The following WNK1 variants were observed in gnomAD, a reference collection of about 807,000 sequenced individuals.
WNK1 encodes the protein serine/threonine-protein kinase WNK1.
Under a neutral mutation model 222.8 loss-of-function variants are expected in WNK1, and 38 were observed. That is an observed-to-expected ratio of 0.17 (90% CI 0.13 to 0.22). The LOEUF is 0.22. Ranked by LOEUF, WNK1 falls within the 10% of genes least tolerant of loss-of-function variation. The probability of loss-of-function intolerance (pLI) is 1.00; values close to 1 mark genes in which losing one functional copy is unlikely to be tolerated. For missense variants in WNK1, 2,348 were observed against 2,918.4 expected (o/e 0.80, Z 4.50); for synonymous variants, 1,090 against 1,092.9 (o/e 1.00, Z 0.05).
In WNK1 at chr12:868,642, CA is replaced by C. The variant is rs754560162; in HGVS notation, c.2140-2622del. ...ACTGTGTATTTGAATTTCATGTTCA[CA>C]CACCAAGCTCCTCTTCAGGAGAAGG... On this transcript the variant is annotated intron_variant, in intron 8 of 27. Coordinates refer to ENST00000315939, the MANE Select transcript of WNK1 (RefSeq NM_018979.4). 3 of 1,614,018 alleles carry C rather than the reference CA, an allele frequency of 1.9e-6. No individual in the cohort carries two copies. In the Admixed American group the frequency reaches 5.0e-5, roughly 27 times the overall value.
intron 1 of WNK1, among the ~76,000 whole-genome samples, chr12:803,762 A>G (rs1044457431): frequency 1.3e-5 from 2 of 152,194 alleles, no homozygotes; most frequent in Non-Finnish European, 2.9e-5. Flanking sequence ...TAAAAAAAGA[A>G]ATATGGCAAA....
chr12:843,968 C>T (rs77092791), intron 4 of WNK1, among the ~76,000 whole-genome samples: 2,279 of 151,952 alleles, frequency 0.015, 57 homozygotes, highest in African/African-American at 0.052. Flanking sequence ...TAGTATAATA[C>T]CAAAATGTTA....
At chr12:788,716 G>A (rs976261310) in intron 1 of WNK1, among the ~76,000 whole-genome samples, 3 of 152,100 alleles carry the variant, frequency 2.0e-5, no homozygotes, top group African/African-American at 4.8e-5. Context: ...GTGAAACCCC[G>A]TCTCTACTAA....
intron 1 of WNK1, among the ~76,000 whole-genome samples, chr12:792,308 C>CTTTTTTT (rs35838951): frequency 1.3e-4 from 12 of 89,064 alleles, no homozygotes; most frequent in East Asian, 4.1e-4. Flanking sequence ...TACTGTTATT[C>CTTTTTTT]TTTTTTTTTT....
At chr12:772,369 G>C (rs1942612837) in intron 1 of WNK1, among the ~76,000 whole-genome samples, 1 of 152,026 alleles carries the variant, frequency 6.6e-6, no homozygotes, top group Non-Finnish European at 1.5e-5. Context: ...AGATTAAAAA[G>C]CAGCAAAATA....
chr12:874,131 G>A (rs775846423), intron 9 of WNK1, among the ~76,000 whole-genome samples: 5 of 151,898 alleles, frequency 3.3e-5, no homozygotes, highest in Non-Finnish European at 7.4e-5. Context: ...ACTCCAGCCT[G>A]GGCAACAGAG....
chr12:831,262 G>A lies in WNK1; in HGVS notation c.1311+1102G>A, dbSNP rs139691559. ...TAAAAGAATTCATTTGTAGGGCCGG[G>A]CGTGGTGGCTTATGCCTGTAATCTC... On this transcript the variant is annotated intron_variant, in intron 4 of 27. Coordinates refer to ENST00000315939, the MANE Select transcript of WNK1 (RefSeq NM_018979.4). Among the ~76,000 whole-genome samples the A allele has an allele frequency of 3.3e-5, 5 of 152,234 alleles. No homozygotes were observed. The East Asian group carries it at 9.6e-4, about 29-fold the overall frequency.
chr12:885,191 A>C lies in WNK1; in HGVS notation c.4387A>C (p.Ser1463Arg). ...VSATSASAGG[S>R]TATPGPKPPA... Reference sequence around the variant, plus strand: ...AGCAACTTCAGCCTCTGCAGGGGGCAGTACTGCTACCCCAGGTCCTAAGCC... The same window carrying C: ...AGCAACTTCAGCCTCTGCAGGGGGCCGTACTGCTACCCCAGGTCCTAAGCC... The change falls in exon 19 of 28, where the codon AGT becomes CGT. Residue 1463 changes from serine (S) to arginine (R), a missense_variant. Transcript: ENST00000315939. 1 of 1,614,194 alleles carries C rather than the reference A, an allele frequency of 6.2e-7. No individual in the cohort carries two copies. The highest frequency in any genetic ancestry group is 8.5e-7 in the Non-Finnish European group (1 of 1,180,018).
chr12:816,116 T>G lies in WNK1; in HGVS notation c.932+2302T>G, dbSNP rs147513218. Among the ~76,000 whole-genome samples, 605 of 152,202 alleles carry G rather than the reference T, an allele frequency of 4.0e-3. 4 individuals are homozygous for G. The highest frequency in any genetic ancestry group is 0.031 in the South Asian group (151 of 4,822). On this transcript the variant is annotated intron_variant, in intron 2 of 27. Transcript: ENST00000315939. ...TAGCCTGTGTCAAAAAACTGAACTA[T>G]CCGTGAAAAGAGAGACCTCAGTGCT...
chr12:769,208 C>CTT (rs575352226), intron 1 of WNK1, among the ~76,000 whole-genome samples: 22 of 147,738 alleles, frequency 1.5e-4, no homozygotes, highest in Admixed American at 6.8e-5. Context: ...CTTCCGTTTC[C>CTT]TTTTTTTTTT....
intron 8 of WNK1, chr12:868,820 G>A (rs772825662): frequency 4.3e-6 from 7 of 1,613,860 alleles, no homozygotes; most frequent in South Asian, 1.1e-5. Flanking sequence ...AGAATTGACC[G>A]TTTCTGTGGT....
At chr12:802,662 A>ACC (rs1946000684) in intron 1 of WNK1, among the ~76,000 whole-genome samples, 1 of 152,196 alleles carries the variant, frequency 6.6e-6, no homozygotes, top group African/African-American at 2.4e-5. Flanking sequence ...TTCTTCTTTG[A>ACC]ATAACAAAGT....
At chr12:791,408 G>A (rs1321868344) in intron 1 of WNK1, among the ~76,000 whole-genome samples, 1 of 152,022 alleles carries the variant, frequency 6.6e-6, no homozygotes, top group African/African-American at 2.4e-5. Flanking sequence ...ATCGTAAAGT[G>A]CGGTTATAAA....
At chr12:782,469 A>C (rs115185901) in intron 1 of WNK1, among the ~76,000 whole-genome samples, 3 of 152,260 alleles carry the variant, frequency 2.0e-5, no homozygotes, top group African/African-American at 7.2e-5. Flanking sequence ...ATAACATTGG[A>C]TATATTACTC....
At chr12:812,301 A>G (rs549254084) in intron 1 of WNK1, among the ~76,000 whole-genome samples, 1 of 152,294 alleles carries the variant, frequency 6.6e-6, no homozygotes, top group South Asian at 2.1e-4. Context: ...TTAAGGACAC[A>G]CACACACACT....
At chr12:786,440 C>CATTTGTTTT (rs1944311174) in intron 1 of WNK1, among the ~76,000 whole-genome samples, 1 of 149,904 alleles carries the variant, frequency 6.7e-6, no homozygotes, top group South Asian at 2.1e-4. Flanking sequence ...TCTTTTTTCA[C>CATTTGTTTT]ATTTGTTTTA....
intron 8 of WNK1, chr12:867,787 A>G (rs1369082785): frequency 4.0e-6 from 6 of 1,511,154 alleles, no homozygotes; most frequent in Non-Finnish European, 5.5e-6. Flanking sequence ...AGGGTTACAC[A>G]GAACTACCCA....
chr12:785,771 A>AT (rs1050531590), intron 1 of WNK1, among the ~76,000 whole-genome samples: 13 of 151,662 alleles, frequency 8.6e-5, no homozygotes, highest in Non-Finnish European at 1.2e-4. Flanking sequence ...TTATTTATTT[A>AT]TTTTTTTGCT....
chr12:904,524 T>C (rs1955539664), intron 26 of WNK1: 1 of 1,287,352 alleles, frequency 7.8e-7, no homozygotes, highest in Non-Finnish European at 1.0e-6. Context: ...TTTTTGGTCC[T>C]TGATTGCAAA....
Sources: gnomAD v4.1 joint callset for allele counts (sites outside exome capture counted in the v4.1 genomes callset) on GRCh38, gnomAD v4.1.1 for gene constraint, MANE v1.5 for transcripts, NCBI Gene and HGNC (gene_info 2026-07-23, HGNC 2026-07-21) for gene names.